Variants in MANBA observed in about 807,000 individuals in gnomAD.
MANBA encodes mannosidase beta, also known as beta-mannosidase.
A neutral mutation model predicts 111.1 loss-of-function variants in MANBA; 83 were observed. The ratio of observed to expected loss-of-function variants is 0.75; its 90% CI spans 0.63 to 0.90. MANBA has a LOEUF of 0.90. Ranked by LOEUF, MANBA falls within the 40% of genes least tolerant of loss-of-function variation. MANBA has a pLI of 0.00. For missense variants in MANBA, 1,036 were observed against 1,069.0 expected (o/e 0.97, Z 0.43); for synonymous variants, 370 against 378.7 (o/e 0.98, Z 0.27).
chr4:102,635,160 G>A (rs1389623466), intron 15 of MANBA, 115 bp from the exon 16 acceptor site: 14 of 1,137,368 alleles, frequency 1.2e-5, no homozygotes, highest in African/African-American at 1.1e-4. Flanking sequence ...AAGAGACTAT[G>A]AAACCTGAGT....
rs79546432 is a variant in MANBA at position 102,639,011 on chromosome 4, T to C, written c.2014+702A>G. ...ATTCTTTACATTATTAACTGAACTT[T>C]GTTTCAAGTCATCTCTAGTGAAGGG... is the stretch of plus-strand genomic sequence containing the variant. On this transcript the variant is annotated intron_variant, in intron 14 of 16. Transcript: ENST00000647097. Among the ~76,000 whole-genome samples the C allele has an allele frequency of 9.0e-3, 1,377 of 152,312 alleles. 24 individuals are homozygous for C. Among genetic ancestry groups the C allele is most frequent in the African/African-American group, 0.032 (1,313 of 41,550 alleles).
At position 102,677,191 on chromosome 4, in the gene MANBA, T is replaced by C. The variant is rs73836818; in HGVS notation, c.961-3121A>G. Among the ~76,000 whole-genome samples, 1,409 of 152,278 alleles carry C rather than the reference T, an allele frequency of 9.3e-3. 27 individuals are homozygous for C. Among genetic ancestry groups the C allele is most frequent in the African/African-American group, 0.032 (1,337 of 41,544 alleles). The stretch of plus-strand genomic sequence containing the variant: ...CAGACAAACGATGGTTATTCAGACT[T>C]GGATACCTGGCAGACATTCTCTAGA... On this transcript the variant is annotated intron_variant, in intron 7 of 16. Transcript: ENST00000647097.
intron 5 of MANBA, among the ~76,000 whole-genome samples, chr4:102,699,085 G>T (rs1328657034): frequency 6.6e-6 from 1 of 151,922 alleles, no homozygotes; most frequent in Non-Finnish European, 1.5e-5. Flanking sequence ...CCCTTGTAAG[G>T]TGGATTCCTA....
At chr4:102,694,689 C>G (rs1315128524) in intron 5 of MANBA, among the ~76,000 whole-genome samples, 2 of 152,068 alleles carry the variant, frequency 1.3e-5, no homozygotes, top group Non-Finnish European at 2.9e-5. Flanking sequence ...CCCTACAGAG[C>G]TCATCCTTCC....
At position 102,671,402 on chromosome 4, in the gene MANBA, T is replaced by C. The variant is rs1731491273; in HGVS notation, c.1113-4A>G. 6.6e-7 allele frequency: 1 copy of C among 1,521,584 alleles called. No individual in the cohort carries two copies. Among genetic ancestry groups the C allele is most frequent in the Non-Finnish European group, 9.1e-7 (1 of 1,096,066 alleles). The allele number at this position is 1,521,584 out of a possible 1,614,324, so 94.3% of individuals were successfully genotyped here. On this transcript the variant is annotated splice_polypyrimidine_tract_variant and splice_region_variant and intron_variant, in intron 8 of 16. Transcript: ENST00000647097. Reference sequence around the variant, plus strand: ...AGACTGTAAAAGGAGCCGTAACCTGTAGAAGACATTTTAGAAACAAATCAT... The same window carrying C: ...AGACTGTAAAAGGAGCCGTAACCTGCAGAAGACATTTTAGAAACAAATCAT...
chr4:102,742,065 G>A (rs947242152), intron 1 of MANBA, among the ~76,000 whole-genome samples: 8 of 152,036 alleles, frequency 5.3e-5, no homozygotes, highest in Non-Finnish European at 1.0e-4. Context: ...TGTATTCCAC[G>A]CATACTCTTC....
chr4:102,655,023 T>A (rs1730501935), intron 12 of MANBA, among the ~76,000 whole-genome samples: 1 of 152,116 alleles, frequency 6.6e-6, no homozygotes, highest in Admixed American at 6.6e-5. Flanking sequence ...TATACAAAAA[T>A]CATCTGTATT....
intron 14 of MANBA, 49 bp from the exon 15 acceptor site, chr4:102,636,056 G>A (rs1729619160): frequency 2.6e-6 from 4 of 1,564,494 alleles, no homozygotes; most frequent in Non-Finnish European, 3.5e-6. Context: ...AGTAGTCAGA[G>A]AGGCACTGTC....
intron 5 of MANBA, among the ~76,000 whole-genome samples, chr4:102,698,931 T>C (rs1328094886): frequency 6.6e-6 from 1 of 152,224 alleles, no homozygotes; most frequent in Non-Finnish European, 1.5e-5. Flanking sequence ...GCATTGAATC[T>C]ATAAATTACC....
Position 102,722,865 on chromosome 4 carries a change from C to T in MANBA, c.549+6G>A. The T allele has an allele frequency of 6.2e-7, 1 of 1,613,898 alleles. No individual in the cohort carries two copies. The highest frequency in any genetic ancestry group is 8.5e-7 in the Non-Finnish European group (1 of 1,179,800). ...ATAAAACCCGACCTGTTTGAGAGACCATTACCTTCCGAACAAAGTTGACAT... is the reference window on the plus strand; with the variant it reads ...ATAAAACCCGACCTGTTTGAGAGACTATTACCTTCCGAACAAAGTTGACAT... On this transcript the variant is annotated splice_donor_region_variant and intron_variant, in intron 4 of 16. Transcript: ENST00000647097.
chr4:102,711,535 A>G lies in MANBA; in HGVS notation c.673+2903T>C, dbSNP rs529089517. ...GGGAATATGAGTGAGTACAGCCACAATGGAAATACTATATTTCTCAAGAAA... is the reference window on the plus strand; with the variant it reads ...GGGAATATGAGTGAGTACAGCCACAGTGGAAATACTATATTTCTCAAGAAA... On this transcript the variant is annotated intron_variant, in intron 5 of 16. Coordinates refer to ENST00000647097, the MANE Select transcript of MANBA (RefSeq NM_005908.4). 1.1e-4 allele frequency among the ~76,000 whole-genome samples: 17 copies of G among 152,334 alleles called. No individual in the cohort carries two copies. In the South Asian group the frequency reaches 3.3e-3, roughly 30 times the overall value.
intron 4 of MANBA, among the ~76,000 whole-genome samples, chr4:102,719,808 G>A (rs916733774): frequency 1.3e-5 from 2 of 152,150 alleles, no homozygotes; most frequent in South Asian, 2.1e-4. Flanking sequence ...CTCTTCACTT[G>A]GTCTCCAACT....
At chr4:102,668,212 C>T (rs1731311135) in intron 10 of MANBA, 1 of 152,232 alleles carries the variant, frequency 6.6e-6, no homozygotes, top group Admixed American at 6.5e-5. Flanking sequence ...TAAGTATATT[C>T]AGCACACAGC....
At chr4:102,636,222 C>T (rs1171441459) in intron 14 of MANBA, among the ~76,000 whole-genome samples, 2 of 152,168 alleles carry the variant, frequency 1.3e-5, no homozygotes, top group Non-Finnish European at 2.9e-5. Context: ...CACTAACGAA[C>T]CAGGGCAGGC....
In MANBA at chr4:102,735,057, G is replaced by A. The variant is rs570868601; in HGVS notation, c.178-8374C>T. On this transcript the variant is annotated intron_variant, in intron 1 of 16. Transcript: ENST00000647097. The stretch of plus-strand genomic sequence containing the variant: ...CTGCTAATCAGTCACCTTTTTTGCT[G>A]CTGTGTAGACAGAGCCAGGCCTCAC... 3.3e-5 allele frequency among the ~76,000 whole-genome samples: 5 copies of A among 152,210 alleles called. No individual in the cohort carries two copies. The East Asian group carries it at 7.7e-4, about 24-fold the overall frequency.
intron 1 of MANBA, chr4:102,729,467 G>A (rs1722945179): frequency 1.6e-6 from 2 of 1,269,740 alleles, no homozygotes; most frequent in East Asian, 2.3e-5. Context: ...ATCTGGGACT[G>A]CAGCTCCTGG....
At chr4:102,717,526 C>T (rs942958718) in intron 4 of MANBA, among the ~76,000 whole-genome samples, 1 of 151,814 alleles carries the variant, frequency 6.6e-6, no homozygotes, top group Non-Finnish European at 1.5e-5. Flanking sequence ...CTCCTCCCAC[C>T]TCAGCCTCCT....
At chr4:102,752,554 G>A in intron 1 of MANBA, 4 of 683,828 alleles carry the variant, frequency 5.8e-6, no homozygotes, top group African/African-American at 1.8e-5. Flanking sequence ...GACTGGATAG[G>A]GACACAGGGC....
At chr4:102,704,172 G>A (rs1379171860) in intron 5 of MANBA, among the ~76,000 whole-genome samples, 1 of 151,916 alleles carries the variant, frequency 6.6e-6, no homozygotes, top group Admixed American at 6.6e-5. Context: ...TAAAACTCTG[G>A]TTTCTCACAC....
Sources: allele counts gnomAD v4.1 joint callset (sites outside exome capture counted in the v4.1 genomes callset), GRCh38; gene constraint gnomAD v4.1.1; transcripts MANE v1.5; gene names NCBI Gene and HGNC (gene_info 2026-07-23, HGNC 2026-07-21).